Variants in ACSS3 observed in about 807,000 individuals in gnomAD.
The protein encoded by ACSS3 is acyl-CoA synthetase short chain family member 3.
Under a neutral mutation model 84.2 loss-of-function variants are expected in ACSS3, and 64 were observed. The observed-to-expected ratio is 0.76, with a 90% CI of 0.62 to 0.94. ACSS3 has a LOEUF of 0.94. ACSS3 is among the 40% of genes least tolerant of loss of function. The pLI is 0.00. For synonymous variants in ACSS3, 317 were observed against 310.1 expected, an observed-to-expected ratio of 1.02 and a Z score of -0.23; for missense variants, 815 against 867.6, an observed-to-expected ratio of 0.94 and a Z score of 0.76.
At chr12:81,226,993 A>G (rs1410150584) in intron 11 of ACSS3, among the ~76,000 whole-genome samples, 3 of 149,618 alleles carry the variant, frequency 2.0e-5, no homozygotes, top group Non-Finnish European at 3.0e-5. Flanking sequence ...ACACACACAT[A>G]TATATATACA....
chr12:81,167,009 A>G lies in ACSS3; in HGVS notation c.1099-7779A>G, dbSNP rs1461048671. Among the ~76,000 whole-genome samples the G allele has an allele frequency of 2.0e-5, 3 of 152,260 alleles. No individual in the cohort carries two copies. In the East Asian group the frequency reaches 5.8e-4, roughly 29 times the overall value. The stretch of plus-strand genomic sequence containing the variant: ...ACTGCACATCCACATGAAATAACTC[A>G]GAGATGAAAACAGTCCTGCTAGAAG... On this transcript the variant is annotated intron_variant, in intron 7 of 15. Coordinates refer to ENST00000548058, the MANE Select transcript of ACSS3 (RefSeq NM_024560.4).
chr12:81,179,883 T>C (rs1167805604), intron 8 of ACSS3, among the ~76,000 whole-genome samples: 2 of 152,116 alleles, frequency 1.3e-5, no homozygotes, highest in Non-Finnish European at 2.9e-5. Flanking sequence ...AGACGTTTAA[T>C]TGGCTCATGG....
intron 13 of ACSS3, among the ~76,000 whole-genome samples, chr12:81,247,458 A>C (rs2136006460): frequency 6.6e-6 from 1 of 152,288 alleles, no homozygotes; most frequent in African/African-American, 2.4e-5. Flanking sequence ...ATAGGCAGTT[A>C]AAATGGAAAA....
In ACSS3 at chr12:81,260,049, C is replaced by G. The variant is rs939887486; in HGVS notation, c.*5127C>G. ...ATATTTTAGAGTTCTTAAAAAATAC[C>G]TTTATTTGTTACAAAAACATAACGA... On this transcript the variant is annotated 3_prime_UTR_variant, in exon 16 of 16. Coordinates refer to ENST00000548058, the MANE Select transcript of ACSS3 (RefSeq NM_024560.4). 2 of 158,942 alleles carry G rather than the reference C, an allele frequency of 1.3e-5. No individual in the cohort carries two copies. The allele number at this position is 158,942 out of a possible 1,614,324, so 9.8% of individuals were successfully genotyped here.
chr12:81,081,543 C>T (rs190850085), intron 1 of ACSS3, among the ~76,000 whole-genome samples: 198 of 152,272 alleles, frequency 1.3e-3, no homozygotes, highest in Non-Finnish European at 6.6e-4. Context: ...TTATTTTCTC[C>T]GGATAGACAT....
At chr12:81,087,062 T>C (rs1881365720) in intron 1 of ACSS3, among the ~76,000 whole-genome samples, 1 of 152,234 alleles carries the variant, frequency 6.6e-6, no homozygotes, top group Non-Finnish European at 1.5e-5. Flanking sequence ...CTTAGGAAAA[T>C]TAAAATTTGT....
intron 15 of ACSS3, 81 bp downstream of exon 15, chr12:81,253,751 G>C (rs2034222390): frequency 1.1e-5 from 16 of 1,437,262 alleles, no homozygotes; most frequent in African/African-American, 1.4e-5. Flanking sequence ...TCTTAAAAAT[G>C]GTTCTCAAAT....
chr12:81,199,430 A>G lies in ACSS3; in HGVS notation c.1340A>G (p.His447Arg). 6.2e-7 allele frequency: 1 copy of G among 1,612,718 alleles called. No homozygotes were observed. The highest frequency in any genetic ancestry group is 8.5e-7 in the Non-Finnish European group (1 of 1,179,260). Residue 447 changes from histidine (H) to arginine (R), a missense_variant, in exon 9 of 16, where the codon CAT (histidine) becomes CGT (arginine). His to Arg is a conservative substitution (Grantham distance 29). Coordinates refer to ENST00000548058, the MANE Select transcript of ACSS3 (RefSeq NM_024560.4). Reference protein sequence around the residue: ...KNVFRVPVLDHWWQTETGSPI... With the variant: ...KNVFRVPVLDRWWQTETGSPI... The stretch of plus-strand genomic sequence containing the variant: ...GTCTTCAGAGTACCTGTCTTAGACC[A>G]TTGGTGGCAAACTGGTAAGCATTTT...
intron 1 of ACSS3, among the ~76,000 whole-genome samples, chr12:81,091,645 T>G (rs899992218): frequency 6.6e-6 from 1 of 151,958 alleles, no homozygotes; most frequent in Non-Finnish European, 1.5e-5. Context: ...TTATCATTAG[T>G]AAAAAATACT....
At chr12:81,239,124 G>T (rs1487580805) in intron 13 of ACSS3, among the ~76,000 whole-genome samples, 1 of 151,754 alleles carries the variant, frequency 6.6e-6, no homozygotes, top group Non-Finnish European at 1.5e-5. Flanking sequence ...GTGTTATTTA[G>T]AAGTGTGTTG....
At chr12:81,170,927 G>A (rs1267940901) in intron 7 of ACSS3, among the ~76,000 whole-genome samples, 1 of 152,012 alleles carries the variant, frequency 6.6e-6, no homozygotes, top group East Asian at 1.9e-4. Flanking sequence ...AAGCCATTGA[G>A]CCACTTTTAT....
intron 1 of ACSS3, among the ~76,000 whole-genome samples, chr12:81,082,952 C>G (rs1292706845): frequency 6.6e-6 from 1 of 152,136 alleles, no homozygotes; most frequent in Non-Finnish European, 1.5e-5. Context: ...GAAATACTCC[C>G]GTGAGCTAAT....
chr12:81,205,191 C>A (rs1294964186), intron 9 of ACSS3, among the ~76,000 whole-genome samples: 1 of 152,118 alleles, frequency 6.6e-6, no homozygotes, highest in Non-Finnish European at 1.5e-5. Context: ...AAAGGCTCCT[C>A]CAAACTTCAG....
intron 1 of ACSS3, among the ~76,000 whole-genome samples, chr12:81,084,887 G>A (rs1881215922): frequency 6.6e-6 from 1 of 152,172 alleles, no homozygotes; most frequent in African/African-American, 2.4e-5. Flanking sequence ...TGAGATAAGG[G>A]CCAAAGCCAG....
intron 8 of ACSS3, among the ~76,000 whole-genome samples, chr12:81,179,698 G>A (rs1036611226): frequency 1.3e-5 from 2 of 150,472 alleles, no homozygotes; most frequent in African/African-American, 2.4e-5. Flanking sequence ...GTGAACCCGG[G>A]AGGTGGAGCT....
At chr12:81,203,799 C>A (rs2032216756) in intron 9 of ACSS3, among the ~76,000 whole-genome samples, 2 of 152,128 alleles carry the variant, frequency 1.3e-5, no homozygotes, top group Non-Finnish European at 2.9e-5. Context: ...GCCAAATTGT[C>A]ATTCACCCAG....
In ACSS3 at chr12:81,107,511, C is replaced by CAT. The variant is rs566270568; in HGVS notation, c.312-2001_312-2000dup. Reference sequence around the variant, plus strand: ...TTTTTTTTTCAGGTACAAATATATACATATATATATATATATATATATATA... The same window carrying CAT: ...TTTTTTTTTCAGGTACAAATATATACATATATATATATATATATATATATATA... On this transcript the variant is annotated intron_variant, in intron 1 of 15. Coordinates refer to ENST00000548058, the MANE Select transcript of ACSS3 (RefSeq NM_024560.4). Among the ~76,000 whole-genome samples, 334 of 38,728 alleles carry CAT rather than the reference C, an allele frequency of 8.6e-3. 7 individuals are homozygous for CAT. Among genetic ancestry groups the CAT allele is most frequent in the Admixed American group, 0.012 (28 of 2,308 alleles). 25.4% of individuals were successfully genotyped at this position (38,728 alleles called of 152,430 possible).
chr12:81,097,405 T>C (rs1265506735), intron 1 of ACSS3, among the ~76,000 whole-genome samples: 1 of 152,216 alleles, frequency 6.6e-6, no homozygotes, highest in Non-Finnish European at 1.5e-5. Context: ...ATGTGAGTTG[T>C]AGTTTGCTGA....
chr12:81,159,183 G>T (rs1370710267), intron 7 of ACSS3, among the ~76,000 whole-genome samples: 1 of 152,030 alleles, frequency 6.6e-6, no homozygotes, highest in Non-Finnish European at 1.5e-5. Context: ...AGTGGAATTG[G>T]ACATATTTAA....
Sources: gnomAD v4.1 joint callset for allele counts (sites outside exome capture counted in the v4.1 genomes callset) on GRCh38, gnomAD v4.1.1 for gene constraint, MANE v1.5 for transcripts, NCBI Gene and HGNC (gene_info 2026-07-23, HGNC 2026-07-21) for gene names.